Variants in CFDP1 observed in about 807,000 individuals in gnomAD.
CFDP1 encodes chromatin remodeling protein CFDP1, also known as heterochromatin-stabilizing protein CFDP1.
CFDP1 carries 31 observed loss-of-function variants against 40.1 expected under a neutral mutation model. The observed-to-expected ratio is 0.77, with a 90% CI of 0.58 to 1.04. CFDP1 has a LOEUF of 1.04. Among genes scored for constraint, CFDP1 ranks in the 50% least tolerant of loss-of-function variants. The pLI is 0.00. For missense variants in CFDP1, 423 were observed against 343.4 expected (o/e 1.23, Z -1.83); for synonymous variants, 167 against 120.0 (o/e 1.39, Z -2.56).
intron 5 of CFDP1, among the ~76,000 whole-genome samples, chr16:75,343,576 T>C (rs184550273): frequency 6.4e-4 from 97 of 152,112 alleles, no homozygotes; most frequent in African/African-American, 1.3e-3. Context: ...TTTGAGGGGG[T>C]TGGGGGACAC....
At chr16:75,415,656 T>G (rs568998876) in intron 1 of CFDP1, among the ~76,000 whole-genome samples, 1 of 152,340 alleles carries the variant, frequency 6.6e-6, no homozygotes, top group African/African-American at 2.4e-5. Flanking sequence ...TTATTCAACA[T>G]TATGTTTGTG....
chr16:75,349,698 T>TATATATATATACAC lies in CFDP1; in HGVS notation c.651-44517_651-44516insGTGTATATATATAT, dbSNP rs146824267. 4.0e-3 allele frequency among the ~76,000 whole-genome samples: 192 copies of TATATATATATACAC among 47,876 alleles called. 18 individuals carry two copies. Among genetic ancestry groups the TATATATATATACAC allele is most frequent in the Middle Eastern group, 0.014 (1 of 72 alleles). 31.4% of individuals were successfully genotyped at this position (47,876 alleles called of 152,430 possible). A position where few individuals can be genotyped will look rare whatever the true frequency, so the allele number is the denominator to read the frequency against. On this transcript the variant is annotated intron_variant, in intron 5 of 6. Transcript: ENST00000283882. ...AAAAAAAAAAAAAAAAAAATATATA[T>TATATATATATACAC]ACATACATATATACGGTTGATTTTT...
rs2078544451 is a variant in CFDP1, at chr16:75,343,978, C to A, written c.651-38796G>T. ...GGTACTCACTTCCACAGCATGTATA[C>A]TAAAATTAGAATCTCTAGCAGGAAA... On this transcript the variant is annotated intron_variant, in intron 5 of 6. Coordinates refer to ENST00000283882, the MANE Select transcript of CFDP1 (RefSeq NM_006324.3). Among the ~76,000 whole-genome samples the A allele has an allele frequency of 3.3e-5, 5 of 152,152 alleles. No individual in the cohort carries two copies. The South Asian group carries it at 1.0e-3, about 32-fold the overall frequency.
At chr16:75,330,519 G>A (rs962200838) in intron 5 of CFDP1, among the ~76,000 whole-genome samples, 2 of 152,176 alleles carry the variant, frequency 1.3e-5, no homozygotes, top group African/African-American at 2.4e-5. Context: ...AACCCCAAAG[G>A]TGCAGGTTGC....
At chr16:75,340,120 C>T (rs563388587) in intron 5 of CFDP1, among the ~76,000 whole-genome samples, 36 of 152,264 alleles carry the variant, frequency 2.4e-4, no homozygotes, top group African/African-American at 2.9e-4. Flanking sequence ...ACAAATGTAA[C>T]GCCAGCCTTA....
At chr16:75,324,233 G>GA (rs1165972843) in intron 5 of CFDP1, among the ~76,000 whole-genome samples, 1 of 152,134 alleles carries the variant, frequency 6.6e-6, no homozygotes, top group Non-Finnish European at 1.5e-5. Flanking sequence ...GGGTGGGGGA[G>GA]GTGTCTGAGA....
At chr16:75,416,464 T>A (rs76387079) in intron 1 of CFDP1, among the ~76,000 whole-genome samples, 2,589 of 141,490 alleles carry the variant, frequency 0.018, 71 homozygotes, top group African/African-American at 0.063. Flanking sequence ...AAAAGAGATT[T>A]AAAAAAAAAA....
chr16:75,398,548 G>A (rs2079018271), intron 4 of CFDP1, among the ~76,000 whole-genome samples: 1 of 152,072 alleles, frequency 6.6e-6, no homozygotes. Flanking sequence ...CTTCCACCTG[G>A]CATGCTCTGT....
At chr16:75,313,785 A>T (rs1378110349) in intron 5 of CFDP1, among the ~76,000 whole-genome samples, 1 of 150,540 alleles carries the variant, frequency 6.6e-6, no homozygotes, top group Non-Finnish European at 1.5e-5. Flanking sequence ...ACATAAAAGA[A>T]ATTCCATAGA....
intron 5 of CFDP1, among the ~76,000 whole-genome samples, chr16:75,362,306 C>G (rs913133198): frequency 6.6e-6 from 1 of 152,186 alleles, no homozygotes; most frequent in Non-Finnish European, 1.5e-5. Flanking sequence ...CGGGGCCCAG[C>G]TGCACCTCTA....
intron 5 of CFDP1, among the ~76,000 whole-genome samples, chr16:75,373,887 T>G (rs1319540168): frequency 2.0e-5 from 3 of 152,234 alleles, no homozygotes; most frequent in Admixed American, 1.3e-4. Context: ...GAGGCAATCT[T>G]TACAAACATA....
chr16:75,356,654 G>C (rs1157512132), intron 5 of CFDP1, among the ~76,000 whole-genome samples: 1 of 152,112 alleles, frequency 6.6e-6, no homozygotes, highest in Non-Finnish European at 1.5e-5. Flanking sequence ...AAATTTTGAA[G>C]CCAAGCATTG....
At chr16:75,331,806 G>A (rs1407372725) in intron 5 of CFDP1, among the ~76,000 whole-genome samples, 2 of 152,108 alleles carry the variant, frequency 1.3e-5, no homozygotes, top group Admixed American at 1.3e-4. Flanking sequence ...TTGTAGAGAT[G>A]TTTTCATTTC....
At chr16:75,356,209 A>G (rs1286997128) in intron 5 of CFDP1, among the ~76,000 whole-genome samples, 1 of 152,230 alleles carries the variant, frequency 6.6e-6, no homozygotes, top group African/African-American at 2.4e-5. Flanking sequence ...TATTAAATGT[A>G]TTTAAGTAAT....
chr16:75,402,663 TAC>T (rs2079065565), intron 4 of CFDP1, among the ~76,000 whole-genome samples: 1 of 151,896 alleles, frequency 6.6e-6, no homozygotes, highest in Non-Finnish European at 1.5e-5. Flanking sequence ...CTTAACTTGA[TAC>T]AGAGAGAAAA....
rs765243034 is a variant in CFDP1 at position 75,412,733 on chromosome 16, G to C, written c.204C>G (p.Leu68=). 6 of 1,613,380 alleles carry C rather than the reference G, an allele frequency of 3.7e-6. No homozygotes were observed. The highest frequency in any genetic ancestry group is 4.2e-6 in the Non-Finnish European group (5 of 1,179,978). ...IPARKRRQGG[L]SLEEEEEEDA... ...CCTCCTCTTCCTCTTCTTCTAATGAGAGGCCACCTTGTCTTCTCTTCCTAA... is the reference window on the plus strand; with the variant it reads ...CCTCCTCTTCCTCTTCTTCTAATGACAGGCCACCTTGTCTTCTCTTCCTAA... The change falls in exon 3 of 7, where the codon CTC becomes CTG. Residue 68 remains leucine, a synonymous_variant. Transcript: ENST00000283882.
At chr16:75,414,546 C>G in intron 2 of CFDP1, 32 bp downstream of exon 2, 1 of 1,346,158 alleles carries the variant, frequency 7.4e-7, no homozygotes, top group Non-Finnish European at 1.1e-6. Flanking sequence ...ACAATAGCCC[C>G]TAACTTCTAA....
chr16:75,337,521 A>C (rs2078498020), intron 5 of CFDP1, among the ~76,000 whole-genome samples: 1 of 152,228 alleles, frequency 6.6e-6, no homozygotes, highest in African/African-American at 2.4e-5. Context: ...TGGTATCAAG[A>C]ACTACCAGAG....
chr16:75,412,553 G>C lies in CFDP1; in HGVS notation c.384C>G (p.Pro128=). The stretch of plus-strand genomic sequence containing the variant: ...AACTTACCTTAACTTGTGTACTTGG[G>C]GGCACTTTTGATTTTGGTCCCACAT... The part of the protein sequence containing the change: ...LNDVGPKSKV[P]PSTQVKKGEE... The change falls in exon 3 of 7, where the codon CCC becomes CCG. Residue 128 remains proline, a synonymous_variant. Coordinates refer to ENST00000283882, the MANE Select transcript of CFDP1 (RefSeq NM_006324.3). 2 of 1,613,872 alleles carry C rather than the reference G, an allele frequency of 1.2e-6. No individual in the cohort carries two copies. Among genetic ancestry groups the C allele is most frequent in the Non-Finnish European group, 1.7e-6 (2 of 1,179,826 alleles).
Sources: gnomAD v4.1 joint callset for allele counts (sites outside exome capture counted in the v4.1 genomes callset) on GRCh38, gnomAD v4.1.1 for gene constraint, MANE v1.5 for transcripts, NCBI Gene and HGNC (gene_info 2026-07-23, HGNC 2026-07-21) for gene names.